PDE4B: variants seen among roughly 807,000 people sequenced by gnomAD.
PDE4B encodes the protein phosphodiesterase 4B, also known as 3',5'-cyclic-AMP phosphodiesterase 4B.
Under a neutral mutation model 82.2 loss-of-function variants are expected in PDE4B, and 20 were observed. The observed-to-expected ratio is 0.24, with a 90% CI of 0.17 to 0.35. The LOEUF is 0.35. Ranked by LOEUF, PDE4B falls within the 10% of genes least tolerant of loss-of-function variation. The probability of loss-of-function intolerance (pLI) is 1.00; values close to 1 mark genes in which losing one functional copy is unlikely to be tolerated. For synonymous variants in PDE4B, 320 were observed against 318.9 expected (o/e 1.00, Z -0.04); for missense variants, 655 against 907.2 (o/e 0.72, Z 3.57).
At chr1:66,162,492 C>T (rs1646637427) in intron 3 of PDE4B, among the ~76,000 whole-genome samples, 1 of 151,914 alleles carries the variant, frequency 6.6e-6, no homozygotes, top group African/African-American at 2.4e-5. Context: ...GGTAAGCCAG[C>T]CAGCTTCTCT....
chr1:66,171,759 G>A (rs576460862), intron 3 of PDE4B, among the ~76,000 whole-genome samples: 15 of 152,208 alleles, frequency 9.9e-5, no homozygotes, highest in African/African-American at 3.4e-4. Context: ...TGTGAAGATT[G>A]TGATGTAATA....
rs534896886 is a variant in PDE4B, at chr1:66,128,861, A to G, written c.282-118599A>G. ...ACCCCTTATAAAACCATCAAATCTC[A>G]TGAGACTTATTCACTACCATGAGAA... On this transcript the variant is annotated intron_variant, in intron 3 of 16. Coordinates refer to ENST00000341517, the MANE Select transcript of PDE4B (RefSeq NM_002600.4). 2.2e-4 allele frequency among the ~76,000 whole-genome samples: 33 copies of G among 152,276 alleles called. No homozygotes were observed. In the South Asian group the frequency reaches 3.7e-3, roughly 17 times the overall value.
intron 4 of PDE4B, among the ~76,000 whole-genome samples, chr1:66,253,606 C>T (rs929189191): frequency 4.6e-5 from 7 of 152,204 alleles, no homozygotes; most frequent in African/African-American, 1.4e-4. Flanking sequence ...TATCAGTTTT[C>T]ATAATCAATC....
intron 3 of PDE4B, among the ~76,000 whole-genome samples, chr1:66,091,010 T>A (rs1372102805): frequency 1.3e-5 from 2 of 152,010 alleles, no homozygotes; most frequent in Non-Finnish European, 2.9e-5. Context: ...AGAAAAAATG[T>A]GTTCATTGGA....
chr1:66,060,501 C>T (rs34674835), intron 3 of PDE4B, among the ~76,000 whole-genome samples: 32,958 of 152,102 alleles, frequency 0.22, 4,100 homozygotes, highest in Middle Eastern at 0.35. Context: ...ACTGTTTACA[C>T]GTGTAAAATA....
chr1:65,855,628 G>T (rs35478578), intron 1 of PDE4B, among the ~76,000 whole-genome samples: 1 of 151,928 alleles, frequency 6.6e-6, no homozygotes, highest in Non-Finnish European at 1.5e-5. Context: ...ATTTCACCCC[G>T]CATAGGTATG....
chr1:66,124,312 C>T (rs549710305), intron 3 of PDE4B, among the ~76,000 whole-genome samples: 7 of 152,122 alleles, frequency 4.6e-5, no homozygotes, highest in South Asian at 2.1e-4. Flanking sequence ...GACAGTAATA[C>T]GAAACAGGAT....
At chr1:66,090,376 A>G (rs1230676739) in intron 3 of PDE4B, among the ~76,000 whole-genome samples, 4 of 151,938 alleles carry the variant, frequency 2.6e-5, no homozygotes, top group Admixed American at 6.6e-5. Flanking sequence ...TCAATAATGT[A>G]CCATCAAGGG....
chr1:65,970,230 TC>T (rs1292114186), intron 3 of PDE4B, among the ~76,000 whole-genome samples: 51 of 147,940 alleles, frequency 3.4e-4, no homozygotes, highest in Non-Finnish European at 6.2e-4. Context: ...TTTTTTTTTT[TC>T]TAAGTAAGTT....
At chr1:65,841,886 G>A (rs530534245) in intron 1 of PDE4B, among the ~76,000 whole-genome samples, 18 of 152,046 alleles carry the variant, frequency 1.2e-4, no homozygotes, top group Non-Finnish European at 1.5e-4. Flanking sequence ...TAATTAAACC[G>A]TCAAGCAGCT....
intron 3 of PDE4B, among the ~76,000 whole-genome samples, chr1:65,925,238 C>T (rs147214190): frequency 1.2e-4 from 19 of 152,064 alleles, no homozygotes; most frequent in African/African-American, 4.1e-4. Flanking sequence ...GGCTTAATAC[C>T]TAGGTGATGG....
intron 1 of PDE4B, among the ~76,000 whole-genome samples, chr1:65,873,551 G>A (rs929623224): frequency 2.2e-4 from 33 of 152,108 alleles, no homozygotes; most frequent in African/African-American, 8.0e-4. Flanking sequence ...CAATTATGTT[G>A]TACAATGCAG....
intron 1 of PDE4B, among the ~76,000 whole-genome samples, chr1:65,901,357 T>C (rs1377998259): frequency 6.6e-6 from 1 of 152,102 alleles, no homozygotes; most frequent in Non-Finnish European, 1.5e-5. Flanking sequence ...CAGTTTGCTA[T>C]ATTTTGTTGA....
chr1:66,347,233 C>T (rs1214362889), intron 8 of PDE4B, among the ~76,000 whole-genome samples: 1 of 152,138 alleles, frequency 6.6e-6, no homozygotes, highest in African/African-American at 2.4e-5. Flanking sequence ...AGCATCTCTC[C>T]ATCTCTTCTA....
At chr1:65,959,092 A>G (rs1649418010) in intron 3 of PDE4B, among the ~76,000 whole-genome samples, 1 of 152,218 alleles carries the variant, frequency 6.6e-6, no homozygotes. Context: ...TGCCTTGTGT[A>G]GGTTTAAATA....
At chr1:65,838,756 T>G (rs1164369345) in intron 1 of PDE4B, among the ~76,000 whole-genome samples, 1 of 151,778 alleles carries the variant, frequency 6.6e-6, no homozygotes, top group Non-Finnish European at 1.5e-5. Flanking sequence ...TCTAATAGCA[T>G]TCCTTTACTT....
intron 9 of PDE4B, 93 bp downstream of exon 9, chr1:66,355,713 G>A: frequency 1.5e-6 from 1 of 659,222 alleles, no homozygotes; most frequent in South Asian, 2.3e-5. Flanking sequence ...GTGAATTTGG[G>A]ATGGAGTTGA....
At chr1:66,139,529 T>C (rs1053369312) in intron 3 of PDE4B, among the ~76,000 whole-genome samples, 2 of 152,172 alleles carry the variant, frequency 1.3e-5, no homozygotes, top group African/African-American at 2.4e-5. Context: ...CCCATCAGGA[T>C]ATTCCAATAT....
intron 3 of PDE4B, among the ~76,000 whole-genome samples, chr1:66,010,404 C>T (rs1382771669): frequency 2.0e-5 from 3 of 151,642 alleles, no homozygotes; most frequent in Admixed American, 6.6e-5. Context: ...AGCAAGAAAA[C>T]TTAAATTCAT....
Sources: gnomAD v4.1 joint callset for allele counts (sites outside exome capture counted in the v4.1 genomes callset) on GRCh38, gnomAD v4.1.1 for gene constraint, MANE v1.5 for transcripts, NCBI Gene and HGNC (gene_info 2026-07-23, HGNC 2026-07-21) for gene names.